PLEKHO2: variants seen among roughly 807,000 people sequenced by gnomAD.
The protein encoded by PLEKHO2 is pleckstrin homology domain-containing family O member 2.
Under a neutral mutation model 32.7 loss-of-function variants are expected in PLEKHO2, and 20 were observed. The ratio of observed to expected loss-of-function variants is 0.61; its 90% CI spans 0.43 to 0.89. The LOEUF (loss-of-function observed/expected upper bound fraction) is 0.89, where lower values mean the gene tolerates loss of function less well. Ranked by LOEUF, PLEKHO2 falls within the 40% of genes least tolerant of loss-of-function variation. The pLI is 0.00. For missense variants in PLEKHO2, 568 were observed against 621.2 expected, an observed-to-expected ratio of 0.91 and a Z score of 0.91; for synonymous variants, 247 against 246.3, an observed-to-expected ratio of 1.00 and a Z score of -0.03.
In PLEKHO2 at chr15:64,865,099, G is replaced by A; in HGVS notation, c.684G>A (p.Glu228=). The part of the protein sequence containing the change: ...PGDRVETPVG[E]RAPTPVSASS... ...ACAGGGTGGAGACCCCTGTGGGGGA[G>A]AGAGCCCCAACCCCTGTCTCAGCAA... Residue 228 remains glutamate (E), a synonymous_variant, in exon 6 of 6, where the codon GAG becomes GAA. Coordinates refer to ENST00000323544, the MANE Select transcript of PLEKHO2 (RefSeq NM_025201.5). 6.2e-7 allele frequency: 1 copy of A among 1,614,084 alleles called. No individual in the cohort carries two copies. Among genetic ancestry groups the A allele is most frequent in the South Asian group, 1.1e-5 (1 of 91,086 alleles).
At chr15:64,860,814 T>C (rs2084635883) in intron 4 of PLEKHO2, among the ~76,000 whole-genome samples, 1 of 152,130 alleles carries the variant, frequency 6.6e-6, no homozygotes, top group Non-Finnish European at 1.5e-5. Flanking sequence ...GGGGAGGCCA[T>C]AGGAGCCATG....
At chr15:64,853,279 CTT>C (rs540850058) in intron 2 of PLEKHO2, among the ~76,000 whole-genome samples, 28 of 134,674 alleles carry the variant, frequency 2.1e-4, no homozygotes, top group Admixed American at 2.9e-4. Context: ...TTTTCTTTTT[CTT>C]TTTTTTTTTT....
Position 64,865,044 on chromosome 15 carries a change from T to A in PLEKHO2, c.629T>A (p.Phe210Tyr). 6.2e-7 allele frequency: 1 copy of A among 1,614,008 alleles called. No homozygotes were observed. The highest frequency in any genetic ancestry group is 1.3e-5 in the African/African-American group (1 of 74,990). Residue 210 changes from phenylalanine to tyrosine, a missense_variant, in exon 6 of 6, where the codon TTC (phenylalanine) becomes TAC (tyrosine). Physicochemically the swap from Phe to Tyr is conservative, Grantham distance 22. Coordinates refer to ENST00000323544, the MANE Select transcript of PLEKHO2 (RefSeq NM_025201.5). Reference sequence around the variant, plus strand: ...CCCCTCATGCCTCCTACCAAGCCTTTCCTAGCACCTGAGACCACCAGCCCT... The same window carrying A: ...CCCCTCATGCCTCCTACCAAGCCTTACCTAGCACCTGAGACCACCAGCCCT... The part of the protein sequence containing the change: ...PRPLMPPTKP[F>Y]LAPETTSPGD...
Position 64,866,526 on chromosome 15 carries a change from C to T in PLEKHO2, c.*638C>T, listed in dbSNP as rs1316095031. 2.6e-6 allele frequency: 1 copy of T among 377,948 alleles called. No homozygotes were observed. The highest frequency in any genetic ancestry group is 5.3e-6 in the Non-Finnish European group (1 of 189,336). 23.4% of individuals were successfully genotyped at this position (377,948 alleles called of 1,614,324 possible). On this transcript the variant is annotated 3_prime_UTR_variant, in exon 6 of 6. Coordinates refer to ENST00000323544, the MANE Select transcript of PLEKHO2 (RefSeq NM_025201.5). The stretch of plus-strand genomic sequence containing the variant: ...GCTGTGTGGCCTCTCTCTCTTTGGC[C>T]CTGTTTCCTTTTTTGCAAAACAAGG...
intron 3 of PLEKHO2, among the ~76,000 whole-genome samples, chr15:64,856,832 C>CCACAT (rs1174344489): frequency 3.3e-5 from 5 of 152,302 alleles, no homozygotes; most frequent in South Asian, 2.1e-4. Context: ...CACCACATTC[C>CCACAT]CACATCCTCT....
At position 64,843,642 on chromosome 15, in the gene PLEKHO2, G is replaced by A. The variant is rs577341196; in HGVS notation, c.12+1614G>A. The stretch of plus-strand genomic sequence containing the variant: ...GTTGCCCAGGCTGGAGTGCAGTGGC[G>A]AGATATTGGCTCACCGCAACCGCCA... On this transcript the variant is annotated intron_variant, in intron 1 of 5. Transcript: ENST00000323544. Among the ~76,000 whole-genome samples, 4 of 150,846 alleles carry A rather than the reference G, an allele frequency of 2.7e-5. No individual in the cohort carries two copies. The East Asian group carries it at 7.8e-4, about 29-fold the overall frequency.
chr15:64,865,927 C>A lies in PLEKHO2; in HGVS notation c.*39C>A, dbSNP rs1343867708. 9 of 1,563,810 alleles carry A rather than the reference C, an allele frequency of 5.8e-6. No homozygotes were observed. The highest frequency in any genetic ancestry group is 7.8e-6 in the Non-Finnish European group (9 of 1,159,698). ...AGAGGCACCATCCCTTCTGGCCATCCATCAAGTCCATCAAGGCCCAGCCCT... is the reference window on the plus strand; with the variant it reads ...AGAGGCACCATCCCTTCTGGCCATCAATCAAGTCCATCAAGGCCCAGCCCT... On this transcript the variant is annotated 3_prime_UTR_variant, in exon 6 of 6. Coordinates refer to ENST00000323544, the MANE Select transcript of PLEKHO2 (RefSeq NM_025201.5).
intron 5 of PLEKHO2, among the ~76,000 whole-genome samples, chr15:64,863,126 C>A (rs552121232): frequency 6.6e-6 from 1 of 151,974 alleles, no homozygotes; most frequent in South Asian, 2.1e-4. Flanking sequence ...TTAGTAGAGA[C>A]GAGGTTTCAC....
Position 64,853,990 on chromosome 15 carries a change from C to T in PLEKHO2, c.163-931C>T, listed in dbSNP as rs549081383. On this transcript the variant is annotated intron_variant, in intron 2 of 5. Transcript: ENST00000323544. ...GGCCCGTCCCAGGGTGGTGTACCCT[C>T]CCCCACCAAAGGATCTGCTTCTGCT... is the stretch of plus-strand genomic sequence containing the variant. Among the ~76,000 whole-genome samples the T allele has an allele frequency of 7.2e-5, 11 of 152,274 alleles. No individual in the cohort carries two copies. The South Asian group carries it at 2.3e-3, about 32-fold the overall frequency.
chr15:64,847,133 C>T (rs1522747), intron 1 of PLEKHO2, among the ~76,000 whole-genome samples: 107,431 of 152,024 alleles, frequency 0.71, 38,790 homozygotes, highest in East Asian at 0.94. Flanking sequence ...CTAGAATGCG[C>T]AGTTCAAAAG....
rs2084541503 is a variant in PLEKHO2, at chr15:64,848,640, C to T, written c.60C>T (p.Asp20=). 1 of 1,614,140 alleles carries T rather than the reference C, an allele frequency of 6.2e-7. No individual in the cohort carries two copies. The highest frequency in any genetic ancestry group is 1.3e-5 in the African/African-American group (1 of 75,026). Residue 20 remains aspartate (D), a synonymous_variant, in exon 2 of 6, where the codon GAC becomes GAT. Coordinates refer to ENST00000323544, the MANE Select transcript of PLEKHO2 (RefSeq NM_025201.5). ...GEKPRGAQMV[D]KAGWIKKSSG... is the part of the protein sequence containing the mutation. ...AGCCTCGGGGAGCACAGATGGTGGA[C>T]AAGGCTGGCTGGATCAAGAAGAGCA... is the stretch of plus-strand genomic sequence containing the variant.
At chr15:64,842,069 G>T (rs2084488017) in intron 1 of PLEKHO2, 41 bp downstream of exon 1, 1 of 1,232,172 alleles carries the variant, frequency 8.1e-7, no homozygotes. Context: ...TGGGGTCCTC[G>T]AGCCCCTCAC....
intron 3 of PLEKHO2, among the ~76,000 whole-genome samples, chr15:64,857,135 C>T (rs56337111): frequency 0.018 from 2,749 of 152,306 alleles, 56 homozygotes; most frequent in South Asian, 0.03. Flanking sequence ...TGCCTCCTCT[C>T]TTCCCCTCCC....
In PLEKHO2 at chr15:64,865,245, C is replaced by G. The variant is rs768837621; in HGVS notation, c.830C>G (p.Pro277Arg). The G allele has an allele frequency of 1.2e-6, 2 of 1,614,138 alleles. No homozygotes were observed. The highest frequency in any genetic ancestry group is 1.7e-6 in the Non-Finnish European group (2 of 1,180,002). ...AAACTGAAGGTGAGCTGGGAGAACC[C>G]CAGCCCCCAGGAGGCCCCTGCTGCA... ...PDKLKVSWEN[P>R]SPQEAPAAES... The change falls in exon 6 of 6, where the codon CCC becomes CGC. Residue 277 changes from proline to arginine, a missense_variant. Coordinates refer to ENST00000323544, the MANE Select transcript of PLEKHO2 (RefSeq NM_025201.5).
chr15:64,859,886 G>C lies in PLEKHO2; in HGVS notation c.280-8G>C. 1 of 1,611,468 alleles carries C rather than the reference G, an allele frequency of 6.2e-7. No individual in the cohort carries two copies. The highest frequency in any genetic ancestry group is 8.5e-7 in the Non-Finnish European group (1 of 1,177,538). Reference sequence around the variant, plus strand: ...ATCTGCCATCTACTCCATCCATCTTGCCCACAGGTCAGCGACATCAAATTC... The same window carrying C: ...ATCTGCCATCTACTCCATCCATCTTCCCCACAGGTCAGCGACATCAAATTC... On this transcript the variant is annotated splice_polypyrimidine_tract_variant and splice_region_variant and intron_variant, in intron 3 of 5. Coordinates refer to ENST00000323544, the MANE Select transcript of PLEKHO2 (RefSeq NM_025201.5).
At chr15:64,848,851 T>C in intron 2 of PLEKHO2, 109 bp downstream of exon 2, 1 of 1,414,414 alleles carries the variant, frequency 7.1e-7, no homozygotes, top group Non-Finnish European at 9.8e-7. Flanking sequence ...CCTGCTCTAC[T>C]TTTGCCATGC....
intron 3 of PLEKHO2, among the ~76,000 whole-genome samples, chr15:64,855,677 T>C (rs2084601988): frequency 6.6e-6 from 1 of 152,118 alleles, no homozygotes; most frequent in South Asian, 2.1e-4. Context: ...GGGAGTCTGG[T>C]GGGTGTTGAC....
At chr15:64,845,936 A>G (rs559349573) in intron 1 of PLEKHO2, among the ~76,000 whole-genome samples, 20 of 152,164 alleles carry the variant, frequency 1.3e-4, no homozygotes, top group African/African-American at 4.8e-4. Flanking sequence ...ACAGCTTCAC[A>G]CTCCACAGAC....
At chr15:64,854,175 C>G (rs1332596513) in intron 2 of PLEKHO2, among the ~76,000 whole-genome samples, 3 of 152,174 alleles carry the variant, frequency 2.0e-5, no homozygotes, top group African/African-American at 7.2e-5. Flanking sequence ...AGAAAACACT[C>G]AAATGTCAGG....
Sources: gnomAD v4.1 joint callset for allele counts (sites outside exome capture counted in the v4.1 genomes callset) on GRCh38, gnomAD v4.1.1 for gene constraint, MANE v1.5 for transcripts, NCBI Gene and HGNC (gene_info 2026-07-23, HGNC 2026-07-21) for gene names.